PCDHAC1: variants seen among roughly 807,000 people sequenced by gnomAD.
PCDHAC1 encodes protocadherin alpha subfamily C, 1.
Under a neutral mutation model 60.0 loss-of-function variants are expected in PCDHAC1, and 42 were observed. The observed-to-expected ratio is 0.70, with a 90% CI of 0.55 to 0.90. The LOEUF (loss-of-function observed/expected upper bound fraction) is 0.90, where lower values mean the gene tolerates loss of function less well. Ranked by LOEUF, PCDHAC1 falls within the 40% of genes least tolerant of loss-of-function variation. The pLI is 0.00. For synonymous variants in PCDHAC1, 468 were observed against 499.3 expected, an observed-to-expected ratio of 0.94 and a Z score of 0.84; for missense variants, 1,160 against 1,222.3, an observed-to-expected ratio of 0.95 and a Z score of 0.76.
At chr5:140,954,214 T>C (rs1186171676) in intron 1 of PCDHAC1, among the ~76,000 whole-genome samples, 1 of 152,254 alleles carries the variant, frequency 6.6e-6, no homozygotes, top group African/African-American at 2.4e-5. Flanking sequence ...TCCCATGTTT[T>C]TGCTATTGTG....
intron 1 of PCDHAC1, among the ~76,000 whole-genome samples, chr5:140,976,116 A>G (rs781948908): frequency 1.2e-4 from 18 of 152,224 alleles, no homozygotes; most frequent in Non-Finnish European, 2.6e-4. Flanking sequence ...AATTTTTCCA[A>G]GTTTAATCAA....
At chr5:140,948,227 A>G (rs1214697523) in intron 1 of PCDHAC1, among the ~76,000 whole-genome samples, 17 of 151,634 alleles carry the variant, frequency 1.1e-4, no homozygotes, top group African/African-American at 4.1e-4. Flanking sequence ...GTTAGATTTA[A>G]CTTGTATTTT....
chr5:140,991,445 A>G (rs1352709310), intron 3 of PCDHAC1, among the ~76,000 whole-genome samples: 1 of 152,222 alleles, frequency 6.6e-6, no homozygotes, highest in African/African-American at 2.4e-5. Flanking sequence ...CATGGCTTAA[A>G]ACAACACAAT....
In PCDHAC1 at chr5:140,928,109, A is replaced by G. The variant is rs1472439079; in HGVS notation, c.1217A>G (p.Glu406Gly). 6.2e-7 allele frequency: 1 copy of G among 1,614,104 alleles called. No individual in the cohort carries two copies. Among genetic ancestry groups the G allele is most frequent in the Middle Eastern group, 1.6e-4 (1 of 6,062 alleles). ...CTGATTGATGGGCCCCTGGACCGGGAGCAGATCAGTGAATACCAAGTCCTG... is the reference window on the plus strand; with the variant it reads ...CTGATTGATGGGCCCCTGGACCGGGGGCAGATCAGTGAATACCAAGTCCTG... The part of the protein sequence containing the change: ...SLLIDGPLDR[E>G]QISEYQVLIT... The change falls in exon 1 of 4, where the codon GAG becomes GGG. Residue 406 changes from glutamate to glycine, a missense_variant. Physicochemically the swap from Glu to Gly is moderately conservative, Grantham distance 98. Coordinates refer to ENST00000253807, the MANE Select transcript of PCDHAC1 (RefSeq NM_018898.5).
At chr5:140,978,798 G>T (rs1249216156) in intron 1 of PCDHAC1, 151 bp from the exon 2 acceptor site, 2 of 1,477,414 alleles carry the variant, frequency 1.4e-6, no homozygotes, top group Admixed American at 2.3e-5. Context: ...TATATATGTA[G>T]ATATCATCAT....
chr5:140,954,843 G>T (rs1011520662), intron 1 of PCDHAC1, among the ~76,000 whole-genome samples: 4 of 152,058 alleles, frequency 2.6e-5, no homozygotes, highest in African/African-American at 9.7e-5. Flanking sequence ...TGAAATCTTT[G>T]CCTGTGCCTA....
At chr5:140,969,152 T>C in intron 1 of PCDHAC1, 1 of 1,614,002 alleles carries the variant, frequency 6.2e-7, no homozygotes, top group East Asian at 2.2e-5. Flanking sequence ...CTACAAGGCC[T>C]GTCTGACAGC....
At chr5:140,967,970 C>T (rs2096204544) in intron 1 of PCDHAC1, 2 of 1,614,202 alleles carry the variant, frequency 1.2e-6, no homozygotes, top group South Asian at 2.2e-5. Context: ...GAAAGTGAGC[C>T]TGGGTCTGGA....
intron 3 of PCDHAC1, among the ~76,000 whole-genome samples, chr5:140,994,381 C>T (rs1339661887): frequency 6.6e-6 from 1 of 152,086 alleles, no homozygotes; most frequent in East Asian, 1.9e-4. Context: ...ATTCAGGGGA[C>T]TAAGTCAGAG....
intron 3 of PCDHAC1, among the ~76,000 whole-genome samples, chr5:141,000,006 C>T (rs1453937377): frequency 1.3e-5 from 2 of 151,992 alleles, no homozygotes; most frequent in Admixed American, 1.3e-4. Context: ...TTAGATTGGC[C>T]TCCCCATTGC....
intron 1 of PCDHAC1, among the ~76,000 whole-genome samples, chr5:140,930,820 A>T (rs2153606213): frequency 6.6e-6 from 1 of 152,346 alleles, no homozygotes; most frequent in East Asian, 1.9e-4. Flanking sequence ...TGCTTAGTAA[A>T]TGCTGACTGA....
At chr5:140,995,592 A>G (rs2097690478) in intron 3 of PCDHAC1, among the ~76,000 whole-genome samples, 1 of 152,212 alleles carries the variant, frequency 6.6e-6, no homozygotes, top group East Asian at 1.9e-4. Context: ...CTTTTAACTT[A>G]GTGTTTTTCT....
In PCDHAC1 at chr5:140,928,699, G is replaced by A; in HGVS notation, c.1807G>A (p.Ala603Thr). The change falls in exon 1 of 4, where the codon GCG becomes ACG. Residue 603 changes from alanine (A) to threonine (T), a missense_variant. This residue lies in a region of PCDHAC1 where 1,113 missense variants were observed against 1,163.7 expected (regional missense o/e 0.96). Transcript: ENST00000253807. ...NAWLSYHISR[A>T]SDSSLFRISA... ...CTGGCTTTCCTACCACATCTCCCGGGCGTCTGACTCTAGTCTCTTTAGAAT... is the reference window on the plus strand; with the variant it reads ...CTGGCTTTCCTACCACATCTCCCGGACGTCTGACTCTAGTCTCTTTAGAAT... 1.9e-6 allele frequency: 3 copies of A among 1,614,170 alleles called. No homozygotes were observed. Among genetic ancestry groups the A allele is most frequent in the Non-Finnish European group, 2.5e-6 (3 of 1,180,046 alleles).
Position 140,973,415 on chromosome 5 carries a change from A to C in PCDHAC1, c.2434-5534A>C, listed in dbSNP as rs552618579. On this transcript the variant is annotated intron_variant, in intron 1 of 3. Coordinates refer to ENST00000253807, the MANE Select transcript of PCDHAC1 (RefSeq NM_018898.5). ...AATCATATCTATGAGCTTCCACTCC[A>C]GTTTTTCATCCTCTGATGGTCACTT... Among the ~76,000 whole-genome samples the C allele has an allele frequency of 1.8e-3, 272 of 152,344 alleles. 1 individual carries two copies. Among genetic ancestry groups the C allele is most frequent in the Non-Finnish European group, 3.1e-3 (212 of 68,028 alleles).
chr5:141,009,539 C>T, intron 3 of PCDHAC1, 88 bp from the exon 4 acceptor site: 1 of 1,522,752 alleles, frequency 6.6e-7, no homozygotes, highest in Non-Finnish European at 8.8e-7. Flanking sequence ...TTCAGCCTGC[C>T]TATGCAGTAC....
chr5:140,968,942 T>C (rs782129541), intron 1 of PCDHAC1: 2 of 1,614,214 alleles, frequency 1.2e-6, no homozygotes, highest in South Asian at 2.2e-5. Context: ...AATCATCATT[T>C]TGAGCATCAT....
chr5:141,005,959 A>G (rs1225421383), intron 3 of PCDHAC1, among the ~76,000 whole-genome samples: 1 of 152,048 alleles, frequency 6.6e-6, no homozygotes, highest in African/African-American at 2.4e-5. Context: ...ACAAACAACA[A>G]TAAAAAAACA....
At chr5:140,948,856 ATATTACTTCGGGTTTACTTT>A (rs1364138889) in intron 1 of PCDHAC1, among the ~76,000 whole-genome samples, 11 of 151,588 alleles carry the variant, frequency 7.3e-5, no homozygotes, top group African/African-American at 2.7e-4. Context: ...TTGCCTTCTT[ATATTACTTCGGGTTTACTTT>A]GCTCTCTTTT....
intron 1 of PCDHAC1, among the ~76,000 whole-genome samples, chr5:140,974,053 T>C (rs529581642): frequency 6.6e-6 from 1 of 152,346 alleles, no homozygotes; most frequent in African/African-American, 2.4e-5. Flanking sequence ...TATGATAATA[T>C]TTGGAGCAGT....
Sources: allele counts gnomAD v4.1 joint callset (sites outside exome capture counted in the v4.1 genomes callset), GRCh38; gene constraint gnomAD v4.1.1; regional missense constraint gnomAD v4.1.1; transcripts MANE v1.5; gene names NCBI Gene and HGNC (gene_info 2026-07-23, HGNC 2026-07-21).